PIWIL1: variants seen among roughly 807,000 people sequenced by gnomAD.
PIWIL1 encodes piwi like RNA-mediated gene silencing 1.
In PIWIL1, 73 loss-of-function variants were observed where a neutral mutation model predicts 114.4. That is an observed-to-expected ratio of 0.64 (90% CI 0.53 to 0.78). PIWIL1 has a LOEUF of 0.78. Ranked by LOEUF, PIWIL1 falls within the 30% of genes least tolerant of loss-of-function variation. The pLI, the probability that PIWIL1 is intolerant of heterozygous loss-of-function variation, is 0.00. For missense variants in PIWIL1, 723 were observed against 1,063.1 expected, an observed-to-expected ratio of 0.68 and a Z score of 4.45; for synonymous variants, 375 against 369.0, an observed-to-expected ratio of 1.02 and a Z score of -0.19.
the PIWIL1 span, among the ~76,000 whole-genome samples, chr12:130,404,843 A>G: frequency 1.3e-5 from 2 of 152,208 alleles, no homozygotes; most frequent in African/African-American, 4.8e-5. Flanking sequence ...TAAAAATACA[A>G]TAATTAAGAC....
chr12:130,424,738 A>G, the PIWIL1 span: 1 of 1,232,212 alleles, frequency 8.1e-7, no homozygotes, highest in Non-Finnish European at 1.0e-6. This position sits in a 1 kb window ranked among gnomAD's most constrained non-coding sequence, Gnocchi z 9.8. Context: ...AGCAGCCCAC[A>G]GCACTCTCCG....
the PIWIL1 span, among the ~76,000 whole-genome samples, chr12:130,393,061 A>G: frequency 2.2e-3 from 296 of 137,416 alleles, 1 homozygote; most frequent in Middle Eastern, 9.1e-3. Flanking sequence ...TACCTGGTGC[A>G]TATTGAATGT....
the PIWIL1 span, among the ~76,000 whole-genome samples, chr12:130,415,916 C>G: frequency 6.6e-6 from 1 of 152,054 alleles, no homozygotes; most frequent in African/African-American, 2.4e-5. Context: ...ATAAATTGTT[C>G]AAGCTGAGAG....
At chr12:130,392,938 A>C in the PIWIL1 span, among the ~76,000 whole-genome samples, 1 of 112,804 alleles carries the variant, frequency 8.9e-6, no homozygotes, top group Non-Finnish European at 1.9e-5. Context: ...TTACCTGGTG[A>C]GTATTGAATG....
chr12:130,395,824 G>T, the PIWIL1 span, among the ~76,000 whole-genome samples: 218 of 152,170 alleles, frequency 1.4e-3, 1 homozygote, highest in African/African-American at 5.2e-3. Flanking sequence ...TGCTGTAGCC[G>T]TTCATTAATT....
the PIWIL1 span, among the ~76,000 whole-genome samples, chr12:130,413,765 C>G: frequency 6.6e-6 from 1 of 152,042 alleles, no homozygotes; most frequent in South Asian, 2.1e-4. Flanking sequence ...CCCTTTTTCC[C>G]TCCCTTTCCC....
intron 1 of PIWIL1, among the ~76,000 whole-genome samples, chr12:130,340,772 G>A (rs952278641): frequency 1.3e-5 from 2 of 152,018 alleles, no homozygotes; most frequent in East Asian, 1.9e-4. Context: ...GCATGCATAC[G>A]TAATCATTGT....
chr12:130,415,293 C>T, the PIWIL1 span, among the ~76,000 whole-genome samples: 1 of 152,220 alleles, frequency 6.6e-6, no homozygotes, highest in East Asian at 1.9e-4. Context: ...AGAACTAAAA[C>T]AAAAACCATA....
chr12:130,357,629 C>A, intron 14 of PIWIL1, 76 bp downstream of exon 14: 1 of 896,324 alleles, frequency 1.1e-6, no homozygotes, highest in Non-Finnish European at 1.8e-6. Flanking sequence ...CATTTTGGAA[C>A]TTGGAGTTCT....
chr12:130,377,732 G>A, the PIWIL1 span, among the ~76,000 whole-genome samples: 23 of 152,340 alleles, frequency 1.5e-4, no homozygotes, highest in South Asian at 3.5e-3. Context: ...GAGCCCTTTG[G>A]TGTGGCCCTG....
chr12:130,362,864 A>T, intron 17 of PIWIL1, 28 bp downstream of exon 17: 1 of 1,611,658 alleles, frequency 6.2e-7, no homozygotes, highest in African/African-American at 1.3e-5. Flanking sequence ...TTGCCATTCT[A>T]CTCTCTAAAC....
At chr12:130,414,915 C>T in the PIWIL1 span, among the ~76,000 whole-genome samples, 39,795 of 152,046 alleles carry the variant, frequency 0.26, 5,540 homozygotes, top group Middle Eastern at 0.36. Context: ...AGGAAGAAAT[C>T]GAAACCCTGA....
the PIWIL1 span, chr12:130,397,267 T>C: frequency 1.3e-5 from 5 of 396,194 alleles, no homozygotes; most frequent in Middle Eastern, 6.3e-4. Flanking sequence ...GGGGAGAAGA[T>C]TGGGTTTTTT....
chr12:130,380,908 C>T, the PIWIL1 span, among the ~76,000 whole-genome samples: 153 of 152,304 alleles, frequency 1.0e-3, no homozygotes, highest in Non-Finnish European at 1.7e-3. Context: ...CTAGGTAGAA[C>T]TAAGAAGCAA....
chr12:130,404,470 T>C, the PIWIL1 span, among the ~76,000 whole-genome samples: 1 of 152,246 alleles, frequency 6.6e-6, no homozygotes, highest in Non-Finnish European at 1.5e-5. Context: ...GCTAATTCTT[T>C]TGTATTTTCA....
chr12:130,348,531 C>A (rs2073130664), intron 7 of PIWIL1, among the ~76,000 whole-genome samples: 1 of 152,288 alleles, frequency 6.6e-6, no homozygotes, highest in Non-Finnish European at 1.5e-5. Flanking sequence ...TGGGACCACT[C>A]ATCCCCCAGA....
chr12:130,404,100 A>G, the PIWIL1 span, among the ~76,000 whole-genome samples: 1 of 152,200 alleles, frequency 6.6e-6, no homozygotes, highest in African/African-American at 2.4e-5. Flanking sequence ...AATTATAAAT[A>G]TTGGTGAAGA....
At chr12:130,348,026 C>A in intron 6 of PIWIL1, 77 bp from the exon 7 acceptor site, 2 of 975,944 alleles carry the variant, frequency 2.0e-6, no homozygotes, top group Non-Finnish European at 3.1e-6. Context: ...CCAACCCCTG[C>A]TCTAAACGAC....
At chr12:130,339,855 G>A (rs890680768) in intron 1 of PIWIL1, among the ~76,000 whole-genome samples, 2 of 152,186 alleles carry the variant, frequency 1.3e-5, no homozygotes, top group Non-Finnish European at 2.9e-5. Context: ...TCCAGATGCT[G>A]CCCGTCAGGG....
Sources: allele counts gnomAD v4.1 joint callset (sites outside exome capture counted in the v4.1 genomes callset), GRCh38; gene constraint gnomAD v4.1.1; non-coding constraint Gnocchi (gnomAD v3.1); transcripts MANE v1.5; gene names NCBI Gene and HGNC (gene_info 2026-07-23, HGNC 2026-07-21).